The following TTBK2 variants were observed in gnomAD, a reference collection of about 807,000 sequenced individuals.
TTBK2 encodes the protein tau-tubulin kinase 2.
TTBK2 carries 28 observed loss-of-function variants against 110.8 expected under a neutral mutation model. The ratio of observed to expected loss-of-function variants is 0.25; its 90% CI spans 0.19 to 0.35. The LOEUF (loss-of-function observed/expected upper bound fraction) is 0.35, where lower values mean the gene tolerates loss of function less well. TTBK2 is among the 10% of genes least tolerant of loss of function. The pLI is 1.00. For missense variants in TTBK2, 1,369 were observed against 1,500.3 expected, an observed-to-expected ratio of 0.91 and a Z score of 1.45; for synonymous variants, 532 against 527.3, an observed-to-expected ratio of 1.01 and a Z score of -0.12.
chr15:42,857,755 A>G (rs1310411706), intron 3 of TTBK2, among the ~76,000 whole-genome samples: 2 of 151,716 alleles, frequency 1.3e-5, no homozygotes, highest in East Asian at 3.9e-4. Context: ...TTGGCAATGG[A>G]TAAGTGGCAA....
chr15:42,747,964 G>A (rs956589208), intron 14 of TTBK2, among the ~76,000 whole-genome samples: 2 of 152,040 alleles, frequency 1.3e-5, no homozygotes, highest in Non-Finnish European at 2.9e-5. Context: ...AAAACTATAA[G>A]GGTACTGGAA....
intron 1 of TTBK2, among the ~76,000 whole-genome samples, chr15:42,886,754 A>G (rs1414808276): frequency 6.6e-6 from 1 of 152,246 alleles, no homozygotes; most frequent in African/African-American, 2.4e-5. Context: ...CCTAAGCCAC[A>G]GCGGTCAGGC....
At chr15:42,834,016 A>C (rs1230925791) in intron 4 of TTBK2, among the ~76,000 whole-genome samples, 1 of 151,786 alleles carries the variant, frequency 6.6e-6, no homozygotes, top group Admixed American at 6.6e-5. Flanking sequence ...GTCTCAAAAA[A>C]ACAAAACAAA....
chr15:42,887,206 C>T (rs56114844), intron 1 of TTBK2, among the ~76,000 whole-genome samples: 63,999 of 151,930 alleles, frequency 0.42, 16,303 homozygotes, highest in African/African-American at 0.72. Flanking sequence ...CCTTTTTGGT[C>T]ATCCCCACCT....
At chr15:42,867,151 A>G (rs912040332) in intron 3 of TTBK2, among the ~76,000 whole-genome samples, 5 of 151,686 alleles carry the variant, frequency 3.3e-5, no homozygotes, top group Non-Finnish European at 7.4e-5. Flanking sequence ...GGCTGAGGCA[A>G]GAGAATGGCG....
chr15:42,833,356 A>C (rs1425794967), intron 4 of TTBK2, among the ~76,000 whole-genome samples: 10 of 152,088 alleles, frequency 6.6e-5, no homozygotes, highest in Non-Finnish European at 1.3e-4. Flanking sequence ...ATAAAAATGC[A>C]AGTGAATTGC....
chr15:42,906,090 A>G (rs1337372891), intron 1 of TTBK2, among the ~76,000 whole-genome samples: 1 of 152,154 alleles, frequency 6.6e-6, no homozygotes, highest in African/African-American at 2.4e-5. Flanking sequence ...CGGGAGGCTG[A>G]GGCAGGAGAA....
rs1567040840 is a variant in TTBK2 at position 42,816,090 on chromosome 15, ATAT to A, written c.603+939_603+941del. Among the ~76,000 whole-genome samples, 312 of 96,790 alleles carry A rather than the reference ATAT, an allele frequency of 3.2e-3. 5 individuals are homozygous for A. Among genetic ancestry groups the A allele is most frequent in the African/African-American group, 0.015 (284 of 18,738 alleles). The allele number at this position is 96,790 out of a possible 152,430, so 63.5% of individuals were successfully genotyped here. ...TATATAAAAATAAATAAATAAATAT[ATAT>A]ATATATATATATATATATATATATA... On this transcript the variant is annotated intron_variant, in intron 7 of 14. Coordinates refer to ENST00000267890, the MANE Select transcript of TTBK2 (RefSeq NM_173500.4).
At chr15:42,909,262 T>C (rs111977579) in intron 1 of TTBK2, among the ~76,000 whole-genome samples, 15 of 152,356 alleles carry the variant, frequency 9.8e-5, no homozygotes, top group African/African-American at 3.4e-4. Flanking sequence ...CTGCCTCGCC[T>C]TCCAAATAGC....
At chr15:42,854,130 C>T (rs938000844) in intron 3 of TTBK2, among the ~76,000 whole-genome samples, 2 of 152,020 alleles carry the variant, frequency 1.3e-5, no homozygotes, top group Admixed American at 6.6e-5. Context: ...GAGACAGGGT[C>T]TCTCGCTATG....
At chr15:42,751,540 C>T (rs915769639) in intron 14 of TTBK2, among the ~76,000 whole-genome samples, 30 of 152,154 alleles carry the variant, frequency 2.0e-4, no homozygotes, top group Non-Finnish European at 8.8e-5. Flanking sequence ...AGTTTGAGAC[C>T]AGCCTGCCCA....
In TTBK2 at chr15:42,777,260, T is replaced by G; in HGVS notation, c.1198-18A>C. On this transcript the variant is annotated intron_variant, in intron 11 of 14. Coordinates refer to ENST00000267890, the MANE Select transcript of TTBK2 (RefSeq NM_173500.4). ...GTAGCAGCCTATCCAAAATATAAAA[T>G]AAAATCATGAAAAACATTCTAGGCA... 1.2e-6 allele frequency: 2 copies of G among 1,612,916 alleles called. No homozygotes were observed. The highest frequency in any genetic ancestry group is 2.7e-5 in the African/African-American group (2 of 75,042).
chr15:42,914,317 GTATAA>G (rs985822842), intron 1 of TTBK2, among the ~76,000 whole-genome samples: 2 of 151,998 alleles, frequency 1.3e-5, no homozygotes, highest in African/African-American at 2.4e-5. Flanking sequence ...GCCAGCCACA[GTATAA>G]TATAATATAT....
chr15:42,855,585 T>C (rs954908597), intron 3 of TTBK2, among the ~76,000 whole-genome samples: 3 of 152,132 alleles, frequency 2.0e-5, no homozygotes, highest in African/African-American at 7.2e-5. Context: ...TTCAATGGTT[T>C]GAAATAAAAT....
chr15:42,895,480 C>G (rs1048792566), intron 1 of TTBK2, among the ~76,000 whole-genome samples: 3 of 151,930 alleles, frequency 2.0e-5, no homozygotes, highest in Non-Finnish European at 4.4e-5. Flanking sequence ...TACACATGTA[C>G]CCCTTGGACC....
intron 6 of TTBK2, among the ~76,000 whole-genome samples, chr15:42,820,498 CTT>C (rs1892244215): frequency 1.3e-5 from 2 of 152,196 alleles, no homozygotes; most frequent in African/African-American, 4.8e-5. Flanking sequence ...CATATATTCA[CTT>C]TGTCTCACAA....
chr15:42,885,459 G>A (rs548549076), intron 1 of TTBK2, among the ~76,000 whole-genome samples: 4 of 152,244 alleles, frequency 2.6e-5, no homozygotes, highest in Non-Finnish European at 4.4e-5. Context: ...AGAGACAAAG[G>A]AGACACATTT....
intron 9 of TTBK2, among the ~76,000 whole-genome samples, chr15:42,796,995 G>A (rs993066478): frequency 1.3e-5 from 2 of 152,176 alleles, no homozygotes; most frequent in Admixed American, 6.5e-5. Flanking sequence ...CTACGTTATA[G>A]CTTAGACTTC....
At chr15:42,862,910 T>C (rs530723741) in intron 3 of TTBK2, among the ~76,000 whole-genome samples, 3 of 151,768 alleles carry the variant, frequency 2.0e-5, no homozygotes, top group Admixed American at 1.3e-4. Context: ...AATAAATTAA[T>C]TAATTAATAA....
Sources: gnomAD v4.1 joint callset for allele counts (sites outside exome capture counted in the v4.1 genomes callset) on GRCh38, gnomAD v4.1.1 for gene constraint, MANE v1.5 for transcripts, NCBI Gene and HGNC (gene_info 2026-07-23, HGNC 2026-07-21) for gene names.